The following AGBL1 variants were observed in gnomAD, a reference collection of about 807,000 sequenced individuals.
AGBL1 encodes the protein cytosolic carboxypeptidase 4.
A neutral mutation model predicts 118.9 loss-of-function variants in AGBL1; 130 were observed. The observed-to-expected ratio is 1.09, with a 90% CI of 0.95 to 1.26. AGBL1 has a LOEUF of 1.26. Ranked by LOEUF, AGBL1 falls within the 50% of genes most tolerant of loss-of-function variation. The pLI is 0.00. For synonymous variants in AGBL1, 555 were observed against 478.9 expected, an observed-to-expected ratio of 1.16 and a Z score of -2.08; for missense variants, 1,584 against 1,298.1, an observed-to-expected ratio of 1.22 and a Z score of -3.38.
chr15:86,146,367 T>A (rs182624705), intron 3 of AGBL1, among the ~76,000 whole-genome samples: 3 of 152,218 alleles, frequency 2.0e-5, no homozygotes, highest in Non-Finnish European at 4.4e-5. Flanking sequence ...TGATGTAAGG[T>A]CTGAGGATGT....
chr15:86,803,618 G>GTACC (rs1039524248), intron 22 of AGBL1, among the ~76,000 whole-genome samples: 1 of 152,016 alleles, frequency 6.6e-6, no homozygotes, highest in African/African-American at 2.4e-5. Flanking sequence ...TCCTTGAGTT[G>GTACC]TACCTAATCT....
chr15:86,508,878 C>T (rs2083017909), intron 18 of AGBL1, among the ~76,000 whole-genome samples: 1 of 152,078 alleles, frequency 6.6e-6, no homozygotes, highest in Non-Finnish European at 1.5e-5. Flanking sequence ...TTAAAAAATG[C>T]AAACATTTGT....
intron 22 of AGBL1, among the ~76,000 whole-genome samples, chr15:86,826,416 T>A: frequency 6.6e-6 from 1 of 152,102 alleles, no homozygotes; most frequent in South Asian, 2.1e-4. Context: ...AATTGATTTA[T>A]TACACGACAT....
chr15:86,852,036 G>A (rs2079414218), intron 22 of AGBL1, among the ~76,000 whole-genome samples: 1 of 152,158 alleles, frequency 6.6e-6, no homozygotes, highest in East Asian at 1.9e-4. Flanking sequence ...ACTGTTGGAT[G>A]GATGAATGGA....
At chr15:86,662,895 T>C (rs1454742016) in intron 21 of AGBL1, among the ~76,000 whole-genome samples, 3 of 152,014 alleles carry the variant, frequency 2.0e-5, no homozygotes, top group Non-Finnish European at 4.4e-5. Context: ...ATATGGAAGA[T>C]TAGGGAGCAA....
chr15:86,185,078 A>G (rs1169003274), intron 5 of AGBL1, among the ~76,000 whole-genome samples: 1 of 152,210 alleles, frequency 6.6e-6, no homozygotes, highest in African/African-American at 2.4e-5. Context: ...AAACAACCCC[A>G]TCAAAAAGTG....
At chr15:86,682,634 T>C (rs1487709743) in intron 22 of AGBL1, among the ~76,000 whole-genome samples, 1 of 152,150 alleles carries the variant, frequency 6.6e-6, no homozygotes, top group African/African-American at 2.4e-5. Flanking sequence ...ATATTTATTA[T>C]GCACATATTT....
chr15:86,352,056 C>T (rs931639490), intron 17 of AGBL1, among the ~76,000 whole-genome samples: 3 of 152,162 alleles, frequency 2.0e-5, no homozygotes, highest in Admixed American at 1.3e-4. Context: ...GCTGACCAGT[C>T]ACTTGTTCTG....
chr15:86,614,140 C>G (rs1417246648), intron 21 of AGBL1, among the ~76,000 whole-genome samples: 2 of 152,218 alleles, frequency 1.3e-5, no homozygotes, highest in African/African-American at 4.8e-5. Flanking sequence ...CTATTACACT[C>G]TGCCAGGCAC....
chr15:86,647,443 G>A (rs1349664996), intron 21 of AGBL1, among the ~76,000 whole-genome samples: 2 of 152,232 alleles, frequency 1.3e-5, no homozygotes, highest in East Asian at 3.9e-4. Flanking sequence ...CCTTACGCCT[G>A]TAATCCCAGC....
chr15:86,258,125 T>C lies in AGBL1; in HGVS notation c.969+94T>C, dbSNP rs1567160948. On this transcript the variant is annotated intron_variant, in intron 9 of 22. Transcript: ENST00000614907. ...TGTGTTTGCCCAAGCCCAGTGTAAA[T>C]TTTAAGAACTGACTTTAGTACTGCC... 3.8e-6 allele frequency: 5 copies of C among 1,314,388 alleles called. No individual in the cohort carries two copies. The East Asian group carries it at 1.2e-4, about 31-fold the overall frequency. 81.4% of individuals were successfully genotyped at this position (1,314,388 alleles called of 1,614,324 possible). A position where few individuals can be genotyped will look rare whatever the true frequency, so the allele number is the denominator to read the frequency against.
At chr15:86,335,755 A>G (rs2080358030) in intron 17 of AGBL1, among the ~76,000 whole-genome samples, 3 of 152,232 alleles carry the variant, frequency 2.0e-5, no homozygotes, top group African/African-American at 7.2e-5. Flanking sequence ...GAATGTTGAG[A>G]AAAAGGAAAC....
At chr15:86,730,867 G>T (rs529155104) in intron 22 of AGBL1, among the ~76,000 whole-genome samples, 3 of 152,134 alleles carry the variant, frequency 2.0e-5, no homozygotes, top group African/African-American at 7.2e-5. Context: ...CCACTCTGTT[G>T]CCCAGGCTGG....
chr15:86,837,941 G>A (rs1248541548), intron 22 of AGBL1, among the ~76,000 whole-genome samples: 2 of 152,094 alleles, frequency 1.3e-5, no homozygotes, highest in African/African-American at 4.8e-5. Context: ...TCTGTTCTCT[G>A]TGCAATCCGG....
chr15:86,095,646 C>CTTTTTTTTT lies in AGBL1; in HGVS notation c.51+15623_51+15624insTTTTTTTTT, dbSNP rs1896319963. On this transcript the variant is annotated intron_variant, in intron 1 of 22. Transcript: ENST00000614907. ...TCATAATGTCACATGACCTTGGATA[C>CTTTTTTTTT]CTTTTTTTTTTTTTTTTTTTTTTTT... Among the ~76,000 whole-genome samples, 4 of 116,684 alleles carry CTTTTTTTTT rather than the reference C, an allele frequency of 3.4e-5. 2 individuals are homozygous for CTTTTTTTTT. The allele number at this position is 116,684 out of a possible 152,430, so 76.5% of individuals were successfully genotyped here.
intron 22 of AGBL1, among the ~76,000 whole-genome samples, chr15:86,825,684 G>GAA (rs1221527882): frequency 0.052 from 6,360 of 122,910 alleles, 492 homozygotes; most frequent in East Asian, 0.12. Context: ...AGGAAGGAAG[G>GAA]GAGAGAGGGA....
At chr15:86,539,845 T>G (rs1036063830) in intron 19 of AGBL1, among the ~76,000 whole-genome samples, 2 of 152,204 alleles carry the variant, frequency 1.3e-5, no homozygotes, top group African/African-American at 4.8e-5. Flanking sequence ...ACTGTTCTTA[T>G]TGGGTTCCCA....
intron 20 of AGBL1, 87 bp downstream of exon 20, chr15:86,546,220 AG>A: frequency 3.7e-6 from 4 of 1,079,658 alleles, no homozygotes; most frequent in East Asian, 3.1e-5. Context: ...TCATTTATTT[AG>A]TTTTTTTTTT....
chr15:86,104,834 A>G (rs1896942575), intron 1 of AGBL1, among the ~76,000 whole-genome samples: 1 of 152,112 alleles, frequency 6.6e-6, no homozygotes, highest in Non-Finnish European at 1.5e-5. Context: ...TCTCTGGAGT[A>G]ATGCCAGTGT....
Sources: allele counts gnomAD v4.1 joint callset (sites outside exome capture counted in the v4.1 genomes callset), GRCh38; gene constraint gnomAD v4.1.1; transcripts MANE v1.5; gene names NCBI Gene and HGNC (gene_info 2026-07-23, HGNC 2026-07-21).